The following ASIC2 variants were observed in gnomAD, a reference collection of about 807,000 sequenced individuals.
ASIC2 encodes the protein acid sensing ion channel subunit 2, also known as acid-sensing ion channel 2.
In ASIC2, 25 loss-of-function variants were observed where a neutral mutation model predicts 57.3. The ratio of observed to expected loss-of-function variants is 0.44; its 90% CI spans 0.32 to 0.61. The LOEUF (loss-of-function observed/expected upper bound fraction) is 0.61, where lower values mean the gene tolerates loss of function less well. Ranked by LOEUF, ASIC2 falls within the 20% of genes least tolerant of loss-of-function variation. The pLI, the probability that ASIC2 is intolerant of heterozygous loss-of-function variation, is 0.06. For missense variants in ASIC2, 641 were observed against 738.1 expected, an observed-to-expected ratio of 0.87 and a Z score of 1.52; for synonymous variants, 319 against 307.5, an observed-to-expected ratio of 1.04 and a Z score of -0.39.
At chr17:33,799,370 CTTTCTTCCTTTCTTT>C (rs1912019472) in intron 1 of ASIC2, among the ~76,000 whole-genome samples, 2 of 109,876 alleles carry the variant, frequency 1.8e-5, no homozygotes, top group Non-Finnish European at 3.9e-5. Flanking sequence ...TTCTTTCTTT[CTTTCTTCCTTTCTTT>C]CTTTCTTTCT....
At chr17:33,421,998 C>T (rs926759439) in intron 1 of ASIC2, among the ~76,000 whole-genome samples, 5 of 152,304 alleles carry the variant, frequency 3.3e-5, no homozygotes, top group African/African-American at 1.2e-4. Context: ...GAATGTTTTT[C>T]CCAACTGTAT....
chr17:34,127,292 C>A (rs951367331), intron 1 of ASIC2, among the ~76,000 whole-genome samples: 1 of 152,212 alleles, frequency 6.6e-6, no homozygotes, highest in Non-Finnish European at 1.5e-5. Flanking sequence ...TGCCTCCCTG[C>A]CTTGCCCAGT....
At chr17:34,070,855 C>T (rs1213395688) in intron 1 of ASIC2, 1 of 152,358 alleles carries the variant, frequency 6.6e-6, no homozygotes, top group Non-Finnish European at 1.5e-5. Flanking sequence ...GGTACTCTGA[C>T]TCCAAGAGAG....
intron 1 of ASIC2, among the ~76,000 whole-genome samples, chr17:33,434,093 C>G (rs1189315845): frequency 1.3e-5 from 2 of 151,564 alleles, no homozygotes; most frequent in African/African-American, 4.8e-5. Context: ...CCAGCCTGGG[C>G]AACATTACGA....
intron 1 of ASIC2, among the ~76,000 whole-genome samples, chr17:33,127,500 C>G (rs1398071850): frequency 6.6e-6 from 1 of 152,198 alleles, no homozygotes; most frequent in Non-Finnish European, 1.5e-5. Context: ...CGCCTTGAGA[C>G]TCTTCAGGGT....
chr17:33,643,525 A>C (rs3097986), intron 1 of ASIC2, among the ~76,000 whole-genome samples: 1 of 152,176 alleles, frequency 6.6e-6, no homozygotes, highest in Non-Finnish European at 1.5e-5. Flanking sequence ...AGAGTTTTCC[A>C]TAAATGGGTG....
intron 1 of ASIC2, among the ~76,000 whole-genome samples, chr17:34,024,552 CATT>C (rs1427820320): frequency 2.0e-5 from 3 of 152,220 alleles, no homozygotes; most frequent in Non-Finnish European, 4.4e-5. Flanking sequence ...ACTAAAACCT[CATT>C]AGAGCTCTGA....
intron 1 of ASIC2, among the ~76,000 whole-genome samples, chr17:33,452,816 T>C (rs527481535): frequency 2.8e-4 from 43 of 151,426 alleles, no homozygotes; most frequent in Admixed American, 1.2e-3. Context: ...AAGGTTTATG[T>C]GCAGGGTGTA....
chr17:33,786,214 C>T (rs1490924), intron 1 of ASIC2, among the ~76,000 whole-genome samples: 91,205 of 151,862 alleles, frequency 0.6, 28,131 homozygotes, highest in Non-Finnish European at 0.65. Context: ...TAAATGTGAC[C>T]CTGAAATAGA....
At chr17:34,075,644 G>GCC (rs1333695077) in intron 1 of ASIC2, among the ~76,000 whole-genome samples, 1 of 151,864 alleles carries the variant, frequency 6.6e-6, no homozygotes, top group African/African-American at 2.4e-5. Context: ...ACCCAATCTA[G>GCC]CCCCCATCAC....
chr17:33,029,500 T>G (rs530464589), intron 3 of ASIC2, among the ~76,000 whole-genome samples: 22 of 152,390 alleles, frequency 1.4e-4, no homozygotes, highest in Non-Finnish European at 2.6e-4. Context: ...GCATTATGTA[T>G]GACTACACTA....
intron 1 of ASIC2, among the ~76,000 whole-genome samples, chr17:33,666,190 T>C (rs1021508496): frequency 3.9e-5 from 6 of 152,190 alleles, no homozygotes; most frequent in African/African-American, 1.4e-4. Context: ...ACTACTGGGA[T>C]GAACATATGT....
At chr17:34,043,303 T>A (rs755199186) in intron 1 of ASIC2, among the ~76,000 whole-genome samples, 2 of 152,148 alleles carry the variant, frequency 1.3e-5, no homozygotes, top group Non-Finnish European at 2.9e-5. Flanking sequence ...CTTTAGTAAA[T>A]AGGTTTATTT....
intron 1 of ASIC2, among the ~76,000 whole-genome samples, chr17:33,227,229 G>A (rs1251354675): frequency 2.0e-5 from 3 of 152,168 alleles, no homozygotes; most frequent in Non-Finnish European, 4.4e-5. Flanking sequence ...AGTTGGAGGG[G>A]CACTGGAGGA....
chr17:33,240,770 TC>T (rs1285767252), intron 1 of ASIC2, among the ~76,000 whole-genome samples: 1 of 152,056 alleles, frequency 6.6e-6, no homozygotes, highest in African/African-American at 2.4e-5. Flanking sequence ...CTTGCTCCAC[TC>T]CCTCTGGGTG....
At chr17:33,336,976 G>A (rs979108317) in intron 1 of ASIC2, among the ~76,000 whole-genome samples, 2 of 152,150 alleles carry the variant, frequency 1.3e-5, no homozygotes, top group Non-Finnish European at 2.9e-5. Context: ...GGATTCATCA[G>A]GGTGCCTGGG....
At chr17:33,266,629 T>C (rs948188586) in intron 1 of ASIC2, among the ~76,000 whole-genome samples, 14 of 143,664 alleles carry the variant, frequency 9.7e-5, no homozygotes, top group African/African-American at 3.4e-4. Context: ...TAGTCCCCCA[T>C]CCGCACAACC....
intron 1 of ASIC2, among the ~76,000 whole-genome samples, chr17:34,042,504 T>G (rs528768413): frequency 3.9e-5 from 6 of 152,106 alleles, no homozygotes; most frequent in Admixed American, 3.3e-4. Context: ...AAATGCAAAT[T>G]AGTATCTAGT....
At chr17:33,970,272 C>G (rs1328941259) in intron 1 of ASIC2, among the ~76,000 whole-genome samples, 2 of 152,102 alleles carry the variant, frequency 1.3e-5, no homozygotes, top group Non-Finnish European at 2.9e-5. Flanking sequence ...CAGGTGAGAA[C>G]CAGTGGGGTA....
Sources: allele counts gnomAD v4.1 joint callset (sites outside exome capture counted in the v4.1 genomes callset), GRCh38; gene constraint gnomAD v4.1.1; transcripts MANE v1.5; gene names NCBI Gene and HGNC (gene_info 2026-07-23, HGNC 2026-07-21).